The following PCSK5 variants were observed in gnomAD, a reference collection of about 807,000 sequenced individuals.
PCSK5 encodes proprotein convertase subtilisin/kexin type 5, also known as prohormone convertase 5.
In PCSK5, 129 loss-of-function variants were observed where a neutral mutation model predicts 233.2. That is an observed-to-expected ratio of 0.55 (90% CI 0.48 to 0.64). The LOEUF is 0.64. Ranked by LOEUF, PCSK5 falls within the 30% of genes least tolerant of loss-of-function variation. The probability of loss-of-function intolerance (pLI) is 0.00; values close to 1 mark genes in which losing one functional copy is unlikely to be tolerated. For synonymous variants in PCSK5, 825 were observed against 879.2 expected (o/e 0.94, Z 1.09); for missense variants, 2,076 against 2,430.1 (o/e 0.85, Z 3.06).
chr9:76,231,074 T>C (rs1266746853), intron 21 of PCSK5, among the ~76,000 whole-genome samples: 1 of 152,146 alleles, frequency 6.6e-6, no homozygotes. Context: ...GACTGGGTAA[T>C]TTATAAAGAA....
At chr9:76,354,637 C>T (rs1196993870) in intron 37 of PCSK5, among the ~76,000 whole-genome samples, 3 of 152,034 alleles carry the variant, frequency 2.0e-5, no homozygotes, top group Admixed American at 6.6e-5. Context: ...ATTAGCTGGG[C>T]GTGGTGGTGC....
intron 20 of PCSK5, among the ~76,000 whole-genome samples, chr9:76,217,234 A>G (rs1156544325): frequency 6.6e-6 from 1 of 152,156 alleles, no homozygotes; most frequent in Non-Finnish European, 1.5e-5. Flanking sequence ...GAGCAATTGA[A>G]CTCATTTTAT....
At chr9:76,091,472 A>G (rs1440316921) in intron 7 of PCSK5, among the ~76,000 whole-genome samples, 2 of 152,078 alleles carry the variant, frequency 1.3e-5, no homozygotes, top group Non-Finnish European at 1.5e-5. Context: ...ATATAGTCAC[A>G]TTGGTCTTTA....
intron 3 of PCSK5, among the ~76,000 whole-genome samples, chr9:76,005,461 C>A (rs949129981): frequency 2.0e-5 from 3 of 152,010 alleles, no homozygotes; most frequent in Admixed American, 6.6e-5. Context: ...CACTTTTTTA[C>A]GTTTTGCTTT....
At chr9:75,963,434 A>G (rs992999424) in intron 2 of PCSK5, among the ~76,000 whole-genome samples, 6 of 152,226 alleles carry the variant, frequency 3.9e-5, no homozygotes, top group African/African-American at 1.4e-4. Flanking sequence ...CACCTGAATC[A>G]TTTTGTTGAC....
At chr9:76,293,230 C>T (rs1440480684) in intron 25 of PCSK5, among the ~76,000 whole-genome samples, 1 of 152,104 alleles carries the variant, frequency 6.6e-6, no homozygotes, top group South Asian at 2.1e-4. Context: ...AAAACAAATA[C>T]ACTTGAAATG....
chr9:76,129,030 T>C (rs944935944), intron 9 of PCSK5, among the ~76,000 whole-genome samples: 1 of 152,186 alleles, frequency 6.6e-6, no homozygotes, highest in Non-Finnish European at 1.5e-5. Context: ...TTGTTTTTCT[T>C]TGTTGGACGG....
chr9:76,220,982 A>C (rs1179445840), intron 20 of PCSK5, among the ~76,000 whole-genome samples: 1 of 152,160 alleles, frequency 6.6e-6, no homozygotes. Flanking sequence ...GAGCCAGTTT[A>C]TTTGTTTTGA....
intron 30 of PCSK5, among the ~76,000 whole-genome samples, chr9:76,316,315 A>T (rs1332698081): frequency 6.6e-6 from 1 of 151,914 alleles, no homozygotes; most frequent in African/African-American, 2.4e-5. Flanking sequence ...GACACCCCTA[A>T]CTCTTAGGAA....
intron 35 of PCSK5, among the ~76,000 whole-genome samples, chr9:76,343,199 G>A (rs1829883723): frequency 1.4e-5 from 2 of 147,804 alleles, no homozygotes; most frequent in African/African-American, 2.5e-5. Context: ...GAGCCTCGCT[G>A]TGTCACCTAG....
At chr9:76,188,083 G>C (rs1824190774) in intron 17 of PCSK5, among the ~76,000 whole-genome samples, 1 of 152,180 alleles carries the variant, frequency 6.6e-6, no homozygotes, top group Non-Finnish European at 1.5e-5. Flanking sequence ...CGGAGAATTT[G>C]AGCTGTGGGT....
At chr9:75,911,142 A>G (rs926582117) in intron 1 of PCSK5, among the ~76,000 whole-genome samples, 7 of 142,456 alleles carry the variant, frequency 4.9e-5, no homozygotes, top group Admixed American at 7.1e-5. Flanking sequence ...TAGGCAAGTT[A>G]GGCATCATGA....
chr9:75,899,214 C>A (rs1212185535), intron 1 of PCSK5, among the ~76,000 whole-genome samples: 1 of 151,966 alleles, frequency 6.6e-6, no homozygotes. Flanking sequence ...AGAATTAGGA[C>A]AGTCTGCAGG....
chr9:75,960,152 G>A, intron 2 of PCSK5, among the ~76,000 whole-genome samples: 1 of 152,190 alleles, frequency 6.6e-6, no homozygotes, highest in East Asian at 1.9e-4. Context: ...AAGCAACGTA[G>A]AATAGATTTT....
intron 8 of PCSK5, among the ~76,000 whole-genome samples, chr9:76,105,294 C>T (rs1176025622): frequency 6.6e-6 from 1 of 152,188 alleles, no homozygotes; most frequent in Non-Finnish European, 1.5e-5. Flanking sequence ...AAGACAGATA[C>T]TGTGTGATTC....
chr9:76,076,422 G>A (rs1830648891), intron 7 of PCSK5, among the ~76,000 whole-genome samples: 1 of 152,204 alleles, frequency 6.6e-6, no homozygotes, highest in Non-Finnish European at 1.5e-5. Context: ...AACTGTATGT[G>A]GGGTGAGAGA....
intron 2 of PCSK5, among the ~76,000 whole-genome samples, chr9:75,947,020 T>C (rs1824607077): frequency 6.6e-6 from 1 of 152,258 alleles, no homozygotes; most frequent in South Asian, 2.1e-4. Context: ...TGTTATCTAT[T>C]CAGCTATGCA....
intron 24 of PCSK5, among the ~76,000 whole-genome samples, chr9:76,269,415 C>T (rs192127097): frequency 2.0e-5 from 3 of 152,016 alleles, no homozygotes; most frequent in Admixed American, 6.6e-5. Flanking sequence ...AGAATTGCAC[C>T]GATCACTCAT....
At chr9:76,164,624 C>G (rs991086210) in intron 12 of PCSK5, among the ~76,000 whole-genome samples, 2 of 152,142 alleles carry the variant, frequency 1.3e-5, no homozygotes, top group African/African-American at 4.8e-5. Context: ...CTAATAAGCT[C>G]CCAGGTGATC....
Sources: gnomAD v4.1 joint callset for allele counts (sites outside exome capture counted in the v4.1 genomes callset) on GRCh38, gnomAD v4.1.1 for gene constraint, MANE v1.5 for transcripts, NCBI Gene and HGNC (gene_info 2026-07-23, HGNC 2026-07-21) for gene names.